Variants in KDM6A observed in about 807,000 individuals in gnomAD.
KDM6A encodes lysine-specific demethylase 6A.
In KDM6A, 11 loss-of-function variants were observed where a neutral mutation model predicts 117.6. That is an observed-to-expected ratio of 0.09 (90% CI 0.06 to 0.15). KDM6A has a LOEUF of 0.15. KDM6A is among the 10% of genes least tolerant of loss of function. The probability of loss-of-function intolerance (pLI) is 1.00; values close to 1 mark genes in which losing one functional copy is unlikely to be tolerated. For synonymous variants in KDM6A, 384 were observed against 396.1 expected, an observed-to-expected ratio of 0.97 and a Z score of 0.36; for missense variants, 799 against 1,077.3, an observed-to-expected ratio of 0.74 and a Z score of 3.62.
At chrX:44,899,056 G>A (rs985172069) in intron 2 of KDM6A, among the ~76,000 whole-genome samples, 2 of 78,561 alleles carry the variant, frequency 2.5e-5, no homozygotes, top group Non-Finnish European at 4.4e-5. Flanking sequence ...TTTTCCATTG[G>A]TATTTAGCTT....
At chrX:45,027,303 CACAT>C (rs2042409420) in intron 6 of KDM6A, among the ~76,000 whole-genome samples, 1 of 102,225 alleles carries the variant, frequency 9.8e-6, no homozygotes, top group African/African-American at 4.2e-5. Context: ...TAGTGAGACA[CACAT>C]ACACACACAC....
At chrX:45,096,797 G>C (rs2046128176) in intron 27 of KDM6A, among the ~76,000 whole-genome samples, 1 of 111,748 alleles carries the variant, frequency 8.9e-6, no homozygotes, top group Non-Finnish European at 1.9e-5. Flanking sequence ...GTGGAAAGCA[G>C]TGCAGTGATT....
At chrX:45,014,093 CAT>C (rs1339302051) in intron 5 of KDM6A, among the ~76,000 whole-genome samples, 1 of 111,410 alleles carries the variant, frequency 9.0e-6, no homozygotes, top group Non-Finnish European at 1.9e-5. Context: ...ATCTCTGGTA[CAT>C]TTATAATTTA....
At chrX:44,917,207 A>G (rs911471238) in intron 2 of KDM6A, among the ~76,000 whole-genome samples, 1 of 109,891 alleles carries the variant, frequency 9.1e-6, no homozygotes, top group African/African-American at 3.3e-5. Context: ...TTGTATTTTT[A>G]GTAGAGATAG....
chrX:45,091,493 C>T (rs1472872750), intron 27 of KDM6A, among the ~76,000 whole-genome samples: 1 of 111,407 alleles, frequency 9.0e-6, no homozygotes, highest in African/African-American at 3.3e-5. Context: ...CTGTGTTTTC[C>T]ACTACTAGCT....
chrX:44,972,856 G>A (rs1044312751), intron 3 of KDM6A, among the ~76,000 whole-genome samples: 2 of 110,111 alleles, frequency 1.8e-5, no homozygotes, highest in African/African-American at 6.6e-5. Flanking sequence ...CCAAAATGGT[G>A]AAACCCCGCC....
At chrX:45,076,648 G>GT in intron 18 of KDM6A, 49 bp from the exon 19 acceptor site, 1 of 806,113 alleles carries the variant, frequency 1.2e-6, no homozygotes, top group Non-Finnish European at 1.7e-6. Context: ...TTTTTTTTCT[G>GT]TTTTCCAAAT....
chrX:45,043,891 G>A (rs758294880), intron 8 of KDM6A, among the ~76,000 whole-genome samples: 3 of 112,426 alleles, frequency 2.7e-5, no homozygotes, highest in Admixed American at 9.4e-5. Context: ...ATTAACAAAG[G>A]ATCACATATA....
chrX:44,975,951 C>T (rs1039055697), intron 4 of KDM6A, among the ~76,000 whole-genome samples: 1 of 112,469 alleles, frequency 8.9e-6, no homozygotes, highest in African/African-American at 3.2e-5. Flanking sequence ...GCCTCTTCAA[C>T]TGTGTGCTGG....
At chrX:45,019,853 A>G (rs1482628621) in intron 5 of KDM6A, among the ~76,000 whole-genome samples, 3 of 111,980 alleles carry the variant, frequency 2.7e-5, no homozygotes, top group East Asian at 2.8e-4. Flanking sequence ...AATGTATTCA[A>G]TGAAAAGTGT....
chrX:45,031,697 A>G (rs778014591), intron 6 of KDM6A, among the ~76,000 whole-genome samples: 1 of 111,884 alleles, frequency 8.9e-6, no homozygotes, highest in African/African-American at 3.2e-5. Flanking sequence ...GATTGGGAAT[A>G]TAGTTGAAGG....
At chrX:44,886,737 C>G (rs1451394777) in intron 2 of KDM6A, among the ~76,000 whole-genome samples, 1 of 108,612 alleles carries the variant, frequency 9.2e-6, no homozygotes, top group Non-Finnish European at 1.9e-5. Flanking sequence ...TTGATCCACC[C>G]GCCTCTGCCT....
chrX:45,086,670 C>T (rs1190499043), intron 25 of KDM6A, among the ~76,000 whole-genome samples: 1 of 111,516 alleles, frequency 9.0e-6, no homozygotes, highest in Non-Finnish European at 1.9e-5. Flanking sequence ...CTTTTATTTA[C>T]TTCTGTGTCT....
chrX:44,962,868 A>G (rs2038751701), intron 3 of KDM6A, among the ~76,000 whole-genome samples: 1 of 112,150 alleles, frequency 8.9e-6, no homozygotes, highest in African/African-American at 3.2e-5. Context: ...CGTTGTTGAT[A>G]TGTGCTGAGT....
intron 2 of KDM6A, among the ~76,000 whole-genome samples, chrX:44,893,149 G>T (rs2033528984): frequency 9.0e-6 from 1 of 110,789 alleles, no homozygotes; most frequent in African/African-American, 3.3e-5. Flanking sequence ...CACTCCTTCA[G>T]CCTGGGCGAC....
rs1172769167 is a variant in KDM6A at position 44,961,220 on chromosome X, T to TG, written c.226-60dup. The stretch of plus-strand genomic sequence containing the variant: ...CGAATGGAGGCTATATGCATTATCT[T>TG]GGGGAGGAAATGTATTTTAGGGCTT... On this transcript the variant is annotated intron_variant, in intron 2 of 29. Coordinates refer to ENST00000611820, the MANE Select transcript of KDM6A (RefSeq NM_001291415.2). The TG allele has an allele frequency of 7.5e-6, 6 of 804,279 alleles. No individual in the cohort carries two copies. The African/African-American group carries it at 1.0e-4, about 14-fold the overall frequency. 66.3% of individuals were successfully genotyped at this position (804,279 alleles called of 1,213,427 possible).
intron 24 of KDM6A, 43 bp downstream of exon 24, chrX:45,083,651 A>C (rs778819634): frequency 9.2e-7 from 1 of 1,087,789 alleles, no homozygotes; most frequent in Non-Finnish European, 1.3e-6. Context: ...ATGGAAAACA[A>C]AATCAAAATA....
At chrX:44,918,622 G>T (rs979886839) in intron 2 of KDM6A, among the ~76,000 whole-genome samples, 8 of 111,724 alleles carry the variant, frequency 7.2e-5, no homozygotes, top group Non-Finnish European at 1.3e-4. Flanking sequence ...GTGGACTCCA[G>T]TTTGAAAGAC....
chrX:44,929,255 T>C (rs1181654375), intron 2 of KDM6A, among the ~76,000 whole-genome samples: 1 of 109,958 alleles, frequency 9.1e-6, no homozygotes, highest in East Asian at 2.8e-4. Context: ...TTTTTTTTTT[T>C]TTTTTTCTTT....
Sources: allele counts gnomAD v4.1 joint callset (sites outside exome capture counted in the v4.1 genomes callset), GRCh38; gene constraint gnomAD v4.1.1; transcripts MANE v1.5; gene names NCBI Gene and HGNC (gene_info 2026-07-23, HGNC 2026-07-21).